The following TTC6 variants were observed in gnomAD, a reference collection of about 807,000 sequenced individuals.
TTC6 encodes the protein tetratricopeptide repeat protein 6.
TTC6 carries 172 observed loss-of-function variants against 210.4 expected under a neutral mutation model. That is an observed-to-expected ratio of 0.82 (90% confidence interval 0.72 to 0.93). The LOEUF (loss-of-function observed/expected upper bound fraction) is 0.93, where lower values mean the gene tolerates loss of function less well. Among genes scored for constraint, TTC6 ranks in the 40% least tolerant of loss-of-function variants. The pLI, the probability that TTC6 is intolerant of heterozygous loss-of-function variation, is 0.00. For synonymous variants in TTC6, 804 were observed against 819.6 expected, an observed-to-expected ratio of 0.98 and a Z score of 0.32; for missense variants, 2,414 against 2,318.1, an observed-to-expected ratio of 1.04 and a Z score of -0.85.
intron 14 of TTC6, among the ~76,000 whole-genome samples, chr14:37,760,353 C>T (rs2095980359): frequency 6.6e-6 from 1 of 152,168 alleles, no homozygotes; most frequent in Admixed American, 6.5e-5. Context: ...CAGTTTGCTT[C>T]CTGCTCCTTC....
chr14:37,624,415 G>A (rs538290171), intron 1 of TTC6, among the ~76,000 whole-genome samples: 30 of 152,144 alleles, frequency 2.0e-4, no homozygotes, highest in Non-Finnish European at 4.3e-4. Context: ...CATAGTTAAG[G>A]TACTTGACAT....
At chr14:37,682,633 C>T (rs2095786400) in intron 2 of TTC6, 125 bp from the exon 5 acceptor site, 1 of 780,426 alleles carries the variant, frequency 1.3e-6, no homozygotes, top group East Asian at 2.7e-5. Flanking sequence ...AAACTCATCA[C>T]CTATGCTTAG....
chr14:37,641,281 A>C (rs183073991), intron 1 of TTC6, among the ~76,000 whole-genome samples: 6 of 152,346 alleles, frequency 3.9e-5, no homozygotes, highest in Admixed American at 1.3e-4. Context: ...AAACAGCCTG[A>C]AGCTAGGCAG....
chr14:37,770,732 A>G (rs2096015443), intron 14 of TTC6, among the ~76,000 whole-genome samples: 2 of 147,930 alleles, frequency 1.4e-5, no homozygotes, highest in South Asian at 2.2e-4. Flanking sequence ...AATACAGCAC[A>G]CTGATGGGTC....
At chr14:37,737,667 T>C in exon 9 of TTC6, 3 of 1,516,712 alleles carry the variant, frequency 2.0e-6, no homozygotes, top group Non-Finnish European at 2.6e-6. Flanking sequence ...CAGTGTTTCT[T>C]ACCAAGAAAA....
chr14:37,623,727 A>G lies in TTC6; in HGVS notation c.939+724A>G, dbSNP rs73263318. ...CATGGCAGAGCTGGGATTCCACCCCAGGCAGTCTCATCCAAGACACTGAGC... is the reference window on the plus strand; with the variant it reads ...CATGGCAGAGCTGGGATTCCACCCCGGGCAGTCTCATCCAAGACACTGAGC... On this transcript the variant is annotated intron_variant, in intron 1 of 30. Transcript: ENST00000553443. Among the ~76,000 whole-genome samples the G allele has an allele frequency of 2.6e-3, 393 of 152,316 alleles. 1 individual carries two copies. The highest frequency in any genetic ancestry group is 8.4e-3 in the African/African-American group (350 of 41,576).
At chr14:37,720,628 TG>T (rs1271827691) in intron 6 of TTC6, 2 of 150,438 alleles carry the variant, frequency 1.3e-5, no homozygotes, top group African/African-American at 4.9e-5. Flanking sequence ...AAGAAAACTG[TG>T]GTACATCCAC....
At position 37,598,948 on chromosome 14, in the gene TTC6, T is replaced by A. The variant is rs1266702957; in HGVS notation, c.-235+2940T>A. Among the ~76,000 whole-genome samples the A allele has an allele frequency of 8.3e-6, 1 of 120,638 alleles. No homozygotes were observed. The highest frequency in any genetic ancestry group is 3.3e-5 in the African/African-American group (1 of 30,482). The allele number at this position is 120,638 out of a possible 152,430, so 79.1% of individuals were successfully genotyped here. On this transcript the variant is annotated intron_variant, in intron 1 of 2. Coordinates refer to the TTC6 transcript ENST00000556845. The surrounding 1 kb of genome is among the most constrained non-coding windows in gnomAD (Gnocchi z 4.9). ...CGCGGGCCCCCACCCCCCACCCAGA[T>A]AAGAAGCTTAAGTCCTCCTTCTGCA...
intron 1 of TTC6, among the ~76,000 whole-genome samples, chr14:37,600,505 C>T (rs984604163): frequency 1.3e-5 from 2 of 152,200 alleles, no homozygotes; most frequent in Non-Finnish European, 2.9e-5. Context: ...TCCCCCCACA[C>T]ACCCAGGAGC....
chr14:37,838,198 G>T (rs1356030071), intron 29 of TTC6, among the ~76,000 whole-genome samples: 5 of 152,180 alleles, frequency 3.3e-5, no homozygotes, highest in Non-Finnish European at 7.3e-5. Context: ...AAATTGATTA[G>T]CAGGATGTCT....
chr14:37,747,883 A>T (rs1194965694), intron 10 of TTC6, among the ~76,000 whole-genome samples: 1 of 152,216 alleles, frequency 6.6e-6, no homozygotes, highest in Non-Finnish European at 1.5e-5. Context: ...TTGCTCAAGG[A>T]TTACATGGCT....
intron 28 of TTC6, among the ~76,000 whole-genome samples, chr14:37,826,935 C>G (rs1005803784): frequency 1.3e-5 from 2 of 152,086 alleles, no homozygotes; most frequent in Non-Finnish European, 2.9e-5. Context: ...AGCTTTTCCA[C>G]TTTGTCTATT....
At chr14:37,786,069 G>A (rs1237635613) in intron 14 of TTC6, among the ~76,000 whole-genome samples, 1 of 152,188 alleles carries the variant, frequency 6.6e-6, no homozygotes, top group East Asian at 1.9e-4. Context: ...GCTACTCGGG[G>A]GTCAGGGAGT....
At chr14:37,622,051 T>A, upstream of TTC6, 1 of 1,505,270 alleles carries the variant, frequency 6.6e-7, no homozygotes, top group Middle Eastern at 1.7e-4. Flanking sequence ...ACTTTACAGG[T>A]CAAATTTGTC....
intron 1 of TTC6, among the ~76,000 whole-genome samples, chr14:37,637,728 T>C (rs1409113304): frequency 6.6e-6 from 1 of 152,096 alleles, no homozygotes; most frequent in African/African-American, 2.4e-5. Flanking sequence ...TGGAAAAATG[T>C]TTAAAATCAT....
chr14:37,753,587 G>C (rs2095958701), intron 14 of TTC6, among the ~76,000 whole-genome samples: 1 of 152,030 alleles, frequency 6.6e-6, no homozygotes, highest in Non-Finnish European at 1.5e-5. Context: ...CTTATTTATA[G>C]AGATGGAGTC....
intron 1 of TTC6, among the ~76,000 whole-genome samples, chr14:37,602,543 C>G (rs900985838): frequency 1.6e-4 from 24 of 152,230 alleles, no homozygotes; most frequent in Admixed American, 1.2e-3. Flanking sequence ...TGCTATCACT[C>G]GAGAAGGCAC....
intron 1 of TTC6, among the ~76,000 whole-genome samples, chr14:37,597,005 AT>A (rs34214926): frequency 0.14 from 19,688 of 138,372 alleles, 1,895 homozygotes; most frequent in African/African-American, 0.29. Flanking sequence ...ATTGGATTAC[AT>A]TTTTTTTTTT....
intron 14 of TTC6, among the ~76,000 whole-genome samples, chr14:37,769,014 G>A (rs1383173505): frequency 2.0e-5 from 3 of 152,244 alleles, no homozygotes; most frequent in Middle Eastern, 6.8e-3. Flanking sequence ...AGCAAGAAGG[G>A]CTGTTGAATT....
Sources: gnomAD v4.1 joint callset for allele counts (sites outside exome capture counted in the v4.1 genomes callset) on GRCh38, gnomAD v4.1.1 for gene constraint, Gnocchi (gnomAD v3.1) non-coding constraint, MANE v1.5 for transcripts, NCBI Gene and HGNC (gene_info 2026-07-23, HGNC 2026-07-21) for gene names.